OSBPL1A: variants seen among roughly 807,000 people sequenced by gnomAD.
OSBPL1A encodes the protein oxysterol-binding protein-related protein 1.
In OSBPL1A, 80 loss-of-function variants were observed where a neutral mutation model predicts 137.1. That is an observed-to-expected ratio of 0.58 (90% confidence interval 0.49 to 0.70). The LOEUF is 0.70. Among genes scored for constraint, OSBPL1A ranks in the 30% least tolerant of loss-of-function variants. The probability of loss-of-function intolerance (pLI) is 0.00; values close to 1 mark genes in which losing one functional copy is unlikely to be tolerated. For missense variants in OSBPL1A, 970 were observed against 1,129.4 expected (o/e 0.86, Z 2.02); for synonymous variants, 365 against 389.7 (o/e 0.94, Z 0.75).
chr18:24,223,069 G>T (rs1321365373), intron 17 of OSBPL1A, among the ~76,000 whole-genome samples: 1 of 151,898 alleles, frequency 6.6e-6, no homozygotes, highest in Non-Finnish European at 1.5e-5. Context: ...GTCACTTCAG[G>T]CTGATCCCCC....
intron 11 of OSBPL1A, among the ~76,000 whole-genome samples, chr18:24,316,530 AAAAT>A (rs1158841454): frequency 5.9e-5 from 9 of 152,244 alleles, no homozygotes. Context: ...CATATCAGAC[AAAAT>A]AAATTTTAAA....
At chr18:24,363,867 T>C (rs1437397190) in intron 4 of OSBPL1A, among the ~76,000 whole-genome samples, 1 of 151,726 alleles carries the variant, frequency 6.6e-6, no homozygotes, top group Admixed American at 6.6e-5. Context: ...CAAACTCCCG[T>C]GCTCAAGTGA....
intron 1 of OSBPL1A, among the ~76,000 whole-genome samples, chr18:24,379,519 C>CA (rs1401150889): frequency 0.012 from 952 of 81,612 alleles, 10 homozygotes; most frequent in African/African-American, 0.037. Flanking sequence ...GACTTGGTCT[C>CA]AAAAAAAAAA....
At chr18:24,272,032 C>A in intron 15 of OSBPL1A, 1 of 981,914 alleles carries the variant, frequency 1.0e-6, no homozygotes, top group East Asian at 1.1e-4. Flanking sequence ...GCGCGGCGGG[C>A]AGCGTCCGGG....
At chr18:24,216,342 C>T (rs891049925) in intron 17 of OSBPL1A, among the ~76,000 whole-genome samples, 10 of 152,166 alleles carry the variant, frequency 6.6e-5, no homozygotes, top group African/African-American at 1.9e-4. Context: ...CCTGTCTGTA[C>T]TAAAATACAA....
chr18:24,268,519 T>C (rs536101971), intron 15 of OSBPL1A, among the ~76,000 whole-genome samples: 86 of 130,934 alleles, frequency 6.6e-4, no homozygotes, highest in Non-Finnish European at 1.2e-3. Flanking sequence ...TCTGCACATG[T>C]ACCCCATTTT....
At chr18:24,177,906 T>C in intron 21 of OSBPL1A, 107 bp downstream of exon 21, 1 of 1,097,758 alleles carries the variant, frequency 9.1e-7, no homozygotes, top group Non-Finnish European at 1.3e-6. Context: ...GTATGAAAGC[T>C]GTTTCTTTTT....
rs373202331 is a variant in OSBPL1A, at chr18:24,352,602, T to C, written c.283-10944A>G. ...TATGGAACGAAAAAAGAGCCTGCAT[T>C]GCCAAGTCAATCCTAAGCCAAAAGA... is the stretch of plus-strand genomic sequence containing the variant. On this transcript the variant is annotated intron_variant, in intron 4 of 27. Coordinates refer to ENST00000319481, the MANE Select transcript of OSBPL1A (RefSeq NM_080597.4). Among the ~76,000 whole-genome samples the C allele has an allele frequency of 1.4e-4, 21 of 152,218 alleles. 1 individual carries two copies. The highest frequency in any genetic ancestry group is 1.4e-3 in the East Asian group (7 of 5,170).
chr18:24,354,329 A>T (rs1397347721), intron 4 of OSBPL1A, among the ~76,000 whole-genome samples: 2 of 152,146 alleles, frequency 1.3e-5, no homozygotes, highest in Admixed American at 1.3e-4. Context: ...AGAACAGGCA[A>T]CAGCAGTCTC....
chr18:24,328,423 G>C (rs2146136355), intron 7 of OSBPL1A, among the ~76,000 whole-genome samples: 1 of 151,810 alleles, frequency 6.6e-6, no homozygotes, highest in South Asian at 2.1e-4. Context: ...TCCATTGACT[G>C]TCTTCACACC....
intron 15 of OSBPL1A, among the ~76,000 whole-genome samples, chr18:24,260,814 T>A (rs2089428427): frequency 6.7e-6 from 1 of 148,674 alleles, no homozygotes; most frequent in African/African-American, 2.5e-5. Flanking sequence ...CTATCCCATT[T>A]TTCCCCAAAG....
At chr18:24,322,989 AT>A (rs1339005532) in intron 7 of OSBPL1A, among the ~76,000 whole-genome samples, 2 of 152,170 alleles carry the variant, frequency 1.3e-5, no homozygotes, top group African/African-American at 2.4e-5. Context: ...TAATGGGAAA[AT>A]TTAATAAAGA....
At chr18:24,293,083 G>C (rs1180152285) in intron 14 of OSBPL1A, among the ~76,000 whole-genome samples, 1 of 115,378 alleles carries the variant, frequency 8.7e-6, no homozygotes, top group Non-Finnish European at 1.6e-5. Flanking sequence ...TAGCCCAGGC[G>C]ACAGAGAGGG....
intron 18 of OSBPL1A, among the ~76,000 whole-genome samples, chr18:24,195,065 G>A (rs1415491701): frequency 1.3e-5 from 2 of 152,198 alleles, no homozygotes; most frequent in African/African-American, 2.4e-5. Flanking sequence ...TTGGAAGGCT[G>A]AGGTGGGAGG....
intron 16 of OSBPL1A, among the ~76,000 whole-genome samples, chr18:24,234,754 T>G (rs186715452): frequency 3.3e-5 from 5 of 152,248 alleles, no homozygotes; most frequent in Admixed American, 6.5e-5. Flanking sequence ...ATTAAACATT[T>G]AGTGAAAATA....
At chr18:24,317,967 A>C (rs1819310889) in intron 9 of OSBPL1A, among the ~76,000 whole-genome samples, 1 of 152,192 alleles carries the variant, frequency 6.6e-6, no homozygotes, top group Non-Finnish European at 1.5e-5. Flanking sequence ...TGATGTTCAT[A>C]ACAAAAATAA....
rs553964910 is a variant in OSBPL1A at position 24,384,208 on chromosome 18, G to A, written c.-2-6673C>T. On this transcript the variant is annotated intron_variant, in intron 1 of 27. Transcript: ENST00000319481. ...ATGGGATAGAAAATAAACAACATGA[G>A]TGAAGATGTGACTCTATTTGGTTGT... Among the ~76,000 whole-genome samples, 26 of 152,364 alleles carry A rather than the reference G, an allele frequency of 1.7e-4. 1 individual carries two copies. The South Asian group carries it at 5.4e-3, about 32-fold the overall frequency.
At chr18:24,249,132 G>A (rs1423879214) in intron 15 of OSBPL1A, among the ~76,000 whole-genome samples, 1 of 152,148 alleles carries the variant, frequency 6.6e-6, no homozygotes, top group Non-Finnish European at 1.5e-5. Flanking sequence ...ACTACTTAAT[G>A]CTGGTTATAA....
At chr18:24,247,452 G>A (rs1053991582) in intron 15 of OSBPL1A, among the ~76,000 whole-genome samples, 3 of 152,060 alleles carry the variant, frequency 2.0e-5, no homozygotes, top group African/African-American at 7.2e-5. Flanking sequence ...TCTTAAGAAG[G>A]TTTTTGTTGG....
Sources: allele counts gnomAD v4.1 joint callset (sites outside exome capture counted in the v4.1 genomes callset), GRCh38; gene constraint gnomAD v4.1.1; transcripts MANE v1.5; gene names NCBI Gene and HGNC (gene_info 2026-07-23, HGNC 2026-07-21).